The following CTNNA2 variants were observed in gnomAD, a reference collection of about 807,000 sequenced individuals.
CTNNA2 encodes catenin alpha-2.
A neutral mutation model predicts 101.0 loss-of-function variants in CTNNA2; 42 were observed. That is an observed-to-expected ratio of 0.42 (90% confidence interval 0.32 to 0.54). CTNNA2 has a LOEUF of 0.54. CTNNA2 is among the 20% of genes least tolerant of loss of function. The pLI is 0.14. For synonymous variants in CTNNA2, 450 were observed against 456.4 expected, an observed-to-expected ratio of 0.99 and a Z score of 0.18; for missense variants, 871 against 1,223.1, an observed-to-expected ratio of 0.71 and a Z score of 4.29.
At chr2:79,254,420 A>T (rs1420104390) in intron 2 of CTNNA2, among the ~76,000 whole-genome samples, 1 of 152,026 alleles carries the variant, frequency 6.6e-6, no homozygotes, top group Non-Finnish European at 1.5e-5. Flanking sequence ...GTCAGTTCTC[A>T]TGAGACCTGG....
chr2:80,468,060 T>C (rs1685000833), intron 9 of CTNNA2, among the ~76,000 whole-genome samples: 1 of 152,224 alleles, frequency 6.6e-6, no homozygotes, highest in African/African-American at 2.4e-5. Context: ...ATCATTATTC[T>C]GTTGCTACCA....
chr2:80,136,856 A>G (rs1204823845), intron 7 of CTNNA2, among the ~76,000 whole-genome samples: 1 of 152,106 alleles, frequency 6.6e-6, no homozygotes, highest in Non-Finnish European at 1.5e-5. Flanking sequence ...CAACCTCTTT[A>G]CTGGACAGAA....
chr2:79,517,523 TGTA>T (rs2103854539), intron 1 of CTNNA2, among the ~76,000 whole-genome samples: 1 of 152,300 alleles, frequency 6.6e-6, no homozygotes, highest in South Asian at 2.1e-4. Context: ...GACCATAGAC[TGTA>T]GTAGTTTTAT....
intron 4 of CTNNA2, among the ~76,000 whole-genome samples, chr2:79,427,502 TG>T (rs1678605251): frequency 6.6e-6 from 1 of 152,126 alleles, no homozygotes; most frequent in Non-Finnish European, 1.5e-5. Context: ...ACTCTATTCA[TG>T]TATTTATCTA....
chr2:80,359,030 G>A (rs6547305), intron 7 of CTNNA2, among the ~76,000 whole-genome samples: 59,207 of 151,520 alleles, frequency 0.39, 14,187 homozygotes, highest in African/African-American at 0.68. Flanking sequence ...TTGATTTTTT[G>A]ACTCCATTAC....
At chr2:80,503,848 A>G (rs1383090401) in intron 9 of CTNNA2, among the ~76,000 whole-genome samples, 1 of 152,126 alleles carries the variant, frequency 6.6e-6, no homozygotes, top group African/African-American at 2.4e-5. Context: ...TTTGGAGTCT[A>G]GGAAATAGTC....
chr2:80,539,556 T>C (rs928707462), intron 9 of CTNNA2, among the ~76,000 whole-genome samples: 2 of 152,190 alleles, frequency 1.3e-5, no homozygotes, highest in Non-Finnish European at 2.9e-5. Flanking sequence ...TCTCTTCTTT[T>C]TCTGTAATCC....
intron 7 of CTNNA2, among the ~76,000 whole-genome samples, chr2:79,978,893 C>T (rs973116266): frequency 1.3e-5 from 2 of 152,164 alleles, no homozygotes; most frequent in African/African-American, 2.4e-5. Flanking sequence ...GCCAGCAATG[C>T]TCTATTTTAT....
At chr2:80,493,655 A>T (rs140774928) in intron 9 of CTNNA2, among the ~76,000 whole-genome samples, 1 of 152,190 alleles carries the variant, frequency 6.6e-6, no homozygotes, top group Non-Finnish European at 1.5e-5. Context: ...TTGTAGCCTA[A>T]TTTTTCCTTA....
intron 1 of CTNNA2, among the ~76,000 whole-genome samples, chr2:79,194,450 C>G (rs574349578): frequency 4.6e-5 from 7 of 152,282 alleles, no homozygotes; most frequent in African/African-American, 1.4e-4. Context: ...GGACCCAGAT[C>G]CAAAGGGCCT....
intron 2 of CTNNA2, among the ~76,000 whole-genome samples, chr2:79,238,212 T>G (rs568570236): frequency 6.6e-6 from 1 of 152,216 alleles, no homozygotes; most frequent in East Asian, 1.9e-4. Flanking sequence ...TCTTAGAGAA[T>G]AGGGAGGCCA....
At chr2:80,450,300 T>C (rs2149455072) in intron 9 of CTNNA2, among the ~76,000 whole-genome samples, 1 of 152,204 alleles carries the variant, frequency 6.6e-6, no homozygotes, top group Middle Eastern at 3.4e-3. Flanking sequence ...GTTGTAACCA[T>C]AATAGCTTTT....
intron 1 of CTNNA2, among the ~76,000 whole-genome samples, chr2:79,533,134 C>T (rs570412035): frequency 1.3e-4 from 20 of 152,080 alleles, no homozygotes; most frequent in Admixed American, 1.3e-3. Context: ...CCTTAAAATG[C>T]TTCCATCTCA....
At chr2:80,238,908 T>A (rs1709690176) in intron 7 of CTNNA2, among the ~76,000 whole-genome samples, 1 of 152,212 alleles carries the variant, frequency 6.6e-6, no homozygotes, top group Non-Finnish European at 1.5e-5. Flanking sequence ...AACAACATGC[T>A]GATCTGTCGG....
chr2:80,395,294 G>A (rs1677906943), intron 8 of CTNNA2, among the ~76,000 whole-genome samples: 1 of 152,072 alleles, frequency 6.6e-6, no homozygotes, highest in African/African-American at 2.4e-5. Context: ...AAATATAGAG[G>A]AATAAGGGTA....
At chr2:79,318,624 C>T (rs1676551032) in intron 3 of CTNNA2, among the ~76,000 whole-genome samples, 2 of 152,132 alleles carry the variant, frequency 1.3e-5, no homozygotes, top group South Asian at 2.1e-4. Flanking sequence ...ATTGTGAAGG[C>T]CTAAGGAATA....
At chr2:80,414,415 G>T (rs1183000438) in intron 8 of CTNNA2, among the ~76,000 whole-genome samples, 1 of 152,056 alleles carries the variant, frequency 6.6e-6, no homozygotes, top group Non-Finnish European at 1.5e-5. Flanking sequence ...ACTCATGCTT[G>T]AATCCCTGAA....
chr2:80,574,404 T>C lies in CTNNA2; in HGVS notation c.1893+90T>C, dbSNP rs1462794980. On this transcript the variant is annotated intron_variant, in intron 13 of 18. Coordinates refer to ENST00000402739, the MANE Select transcript of CTNNA2 (RefSeq NM_001282597.3). ...GTCTTATTTATTATTTATTTTGTAA[T>C]TACTGAGTTTAACTTGGTAAGCTGT... The C allele has an allele frequency of 9.3e-6, 13 of 1,395,292 alleles. No individual in the cohort carries two copies. In the East Asian group the frequency reaches 2.7e-4, roughly 29 times the overall value. 86.4% of individuals were successfully genotyped at this position (1,395,292 alleles called of 1,614,324 possible). A position where few individuals can be genotyped will look rare whatever the true frequency, so the allele number is the denominator to read the frequency against.
chr2:80,284,309 A>T (rs1674590867), intron 7 of CTNNA2, among the ~76,000 whole-genome samples: 2 of 152,152 alleles, frequency 1.3e-5, no homozygotes, highest in South Asian at 4.2e-4. Flanking sequence ...TCTCAGGCCA[A>T]TCAATTTTAA....
Sources: gnomAD v4.1 joint callset for allele counts (sites outside exome capture counted in the v4.1 genomes callset) on GRCh38, gnomAD v4.1.1 for gene constraint, MANE v1.5 for transcripts, NCBI Gene and HGNC (gene_info 2026-07-23, HGNC 2026-07-21) for gene names.